Variants in MOB3B observed in about 807,000 individuals in gnomAD.
The protein encoded by MOB3B is MOB kinase activator-like 2B.
In MOB3B, 7 loss-of-function variants were observed where a neutral mutation model predicts 18.7. The observed-to-expected ratio is 0.37, with a 90% CI of 0.21 to 0.70. The LOEUF is 0.70. Among genes scored for constraint, MOB3B ranks in the 30% least tolerant of loss-of-function variants. The probability of loss-of-function intolerance (pLI) is 0.52; values close to 1 mark genes in which losing one functional copy is unlikely to be tolerated. For synonymous variants in MOB3B, 111 were observed against 99.9 expected, an observed-to-expected ratio of 1.11 and a Z score of -0.66; for missense variants, 253 against 281.3, an observed-to-expected ratio of 0.90 and a Z score of 0.72.
intron 2 of MOB3B, among the ~76,000 whole-genome samples, chr9:27,449,879 G>A (rs1822755712): frequency 6.6e-6 from 1 of 151,704 alleles, no homozygotes; most frequent in African/African-American, 2.4e-5. Context: ...TCAGGGGACT[G>A]AGACAGGAGA....
In MOB3B at chr9:27,447,003, T is replaced by C. The variant is rs968112578; in HGVS notation, c.418+8130A>G. 1.3e-4 allele frequency among the ~76,000 whole-genome samples: 10 copies of C among 74,922 alleles called. 1 individual carries two copies. The South Asian group carries it at 1.9e-3, about 14-fold the overall frequency. 49.2% of individuals were successfully genotyped at this position (74,922 alleles called of 152,430 possible). A position where few individuals can be genotyped will look rare whatever the true frequency, so the allele number is the denominator to read the frequency against. ...TATTCACTAGAATAGGAAATTAGCATGAATTTTTTTTTTAAGATATAACAC... is the reference window on the plus strand; with the variant it reads ...TATTCACTAGAATAGGAAATTAGCACGAATTTTTTTTTTAAGATATAACAC... On this transcript the variant is annotated intron_variant, in intron 2 of 3. Coordinates refer to ENST00000262244, the MANE Select transcript of MOB3B (RefSeq NM_024761.5).
chr9:27,442,818 G>A (rs1822615884), intron 2 of MOB3B, among the ~76,000 whole-genome samples: 1 of 152,178 alleles, frequency 6.6e-6, no homozygotes, highest in African/African-American at 2.4e-5. Flanking sequence ...TGCACCATCT[G>A]GCATGGGGCC....
chr9:27,406,834 T>A (rs2131397751), intron 2 of MOB3B, among the ~76,000 whole-genome samples: 1 of 152,118 alleles, frequency 6.6e-6, no homozygotes, highest in Middle Eastern at 3.4e-3. Context: ...CTGGCCAAGA[T>A]TTCTTTTTTT....
intron 1 of MOB3B, among the ~76,000 whole-genome samples, chr9:27,522,250 A>AAAAT (rs1820346068): frequency 7.1e-6 from 1 of 141,230 alleles, no homozygotes; most frequent in African/African-American, 2.7e-5. Context: ...CACAAAAAAA[A>AAAAT]AAAAAAAAAA....
At chr9:27,510,119 C>T (rs1820121641) in intron 1 of MOB3B, among the ~76,000 whole-genome samples, 1 of 152,140 alleles carries the variant, frequency 6.6e-6, no homozygotes, top group Non-Finnish European at 1.5e-5. Context: ...TCCAGTTGTT[C>T]CAACTTTCAG....
At chr9:27,487,974 T>C (rs1390044797) in intron 1 of MOB3B, among the ~76,000 whole-genome samples, 2 of 152,184 alleles carry the variant, frequency 1.3e-5, no homozygotes, top group Non-Finnish European at 2.9e-5. Flanking sequence ...ATTGGGACAA[T>C]GTGTCCCTGA....
At chr9:27,429,018 T>TTTGTA (rs1822380107) in intron 2 of MOB3B, among the ~76,000 whole-genome samples, 1 of 152,242 alleles carries the variant, frequency 6.6e-6, no homozygotes, top group Non-Finnish European at 1.5e-5. Flanking sequence ...ATTTTGGTTC[T>TTTGTA]TGACTCATAC....
intron 1 of MOB3B, among the ~76,000 whole-genome samples, chr9:27,485,515 T>A (rs1819718679): frequency 6.6e-6 from 1 of 152,234 alleles, no homozygotes; most frequent in Non-Finnish European, 1.5e-5. Flanking sequence ...ATCTCACTGA[T>A]TCTGTCTCTG....
rs574812291 is a variant in MOB3B, at chr9:27,345,528, G to A, written c.621+13506C>T. On this transcript the variant is annotated intron_variant, in intron 3 of 3. Coordinates refer to ENST00000262244, the MANE Select transcript of MOB3B (RefSeq NM_024761.5). ...TTGGAAGCACTGGGCCTCTATGCCC[G>A]CCCTGAAACTATTAGTTGAGTTGCA... Among the ~76,000 whole-genome samples, 19 of 152,218 alleles carry A rather than the reference G, an allele frequency of 1.2e-4. No homozygotes were observed. In the East Asian group the frequency reaches 2.5e-3, roughly 20 times the overall value.
In MOB3B at chr9:27,510,009, G is replaced by A. The variant is rs113834482; in HGVS notation, c.-199+19546C>T. On this transcript the variant is annotated intron_variant, in intron 1 of 3. Transcript: ENST00000262244. ...TAAAGTGCTGGGATTATAGGCATGAGCCACTGCACCCAGCCTCCAACAAAT... is the reference window on the plus strand; with the variant it reads ...TAAAGTGCTGGGATTATAGGCATGAACCACTGCACCCAGCCTCCAACAAAT... Among the ~76,000 whole-genome samples, 467 of 152,350 alleles carry A rather than the reference G, an allele frequency of 3.1e-3. 4 individuals carry two copies. The highest frequency in any genetic ancestry group is 0.011 in the African/African-American group (454 of 41,594).
At position 27,490,134 on chromosome 9, in the gene MOB3B, T is replaced by C. The variant is rs549283359; in HGVS notation, c.-198-34386A>G. Reference sequence around the variant, plus strand: ...CTTGTTCGAGCTCTCTGTAAAAACATAGAATTCCATAGCATTACTTTAACA... The same window carrying C: ...CTTGTTCGAGCTCTCTGTAAAAACACAGAATTCCATAGCATTACTTTAACA... On this transcript the variant is annotated intron_variant, in intron 1 of 3. Coordinates refer to ENST00000262244, the MANE Select transcript of MOB3B (RefSeq NM_024761.5). Among the ~76,000 whole-genome samples the C allele has an allele frequency of 6.6e-5, 10 of 152,278 alleles. No individual in the cohort carries two copies. The South Asian group carries it at 1.9e-3, about 28-fold the overall frequency.
intron 2 of MOB3B, among the ~76,000 whole-genome samples, chr9:27,410,550 T>C (rs1822051480): frequency 6.6e-6 from 1 of 152,122 alleles, no homozygotes; most frequent in South Asian, 2.1e-4. Context: ...GTGATGAATG[T>C]ATATTTTGCA....
At chr9:27,439,892 T>C (rs998195623) in intron 2 of MOB3B, among the ~76,000 whole-genome samples, 4 of 151,886 alleles carry the variant, frequency 2.6e-5, no homozygotes, top group African/African-American at 4.8e-5. Flanking sequence ...GTTCCCTCAT[T>C]GGGAAAACAG....
chr9:27,352,972 C>G (rs182352022), intron 3 of MOB3B, among the ~76,000 whole-genome samples: 2 of 152,324 alleles, frequency 1.3e-5, no homozygotes, highest in African/African-American at 4.8e-5. Flanking sequence ...AGAAGGAAGT[C>G]TGTTTTCACT....
chr9:27,500,260 G>A, intron 1 of MOB3B, among the ~76,000 whole-genome samples: 1 of 152,126 alleles, frequency 6.6e-6, no homozygotes, highest in East Asian at 1.9e-4. Context: ...GATATATAAA[G>A]TGTCTTGTGA....
intron 2 of MOB3B, among the ~76,000 whole-genome samples, chr9:27,380,262 A>AT (rs551179750): frequency 0.025 from 3,435 of 135,408 alleles, 67 homozygotes; most frequent in Non-Finnish European, 0.035. Flanking sequence ...AAGAGATAGG[A>AT]TTTTTTTTTT....
rs1984008 is a variant in MOB3B at position 27,329,794 on chromosome 9, T to G, written c.*793A>C. 1.3e-5 allele frequency: 2 copies of G among 152,500 alleles called. No homozygotes were observed. The highest frequency in any genetic ancestry group is 4.8e-5 in the African/African-American group (2 of 41,406). 9.4% of individuals were successfully genotyped at this position (152,500 alleles called of 1,614,324 possible). Reference sequence around the variant, plus strand: ...GGAAACAGGAAAGAATATCTTCCACTGAAGAGACAAGGAATGATGGTGGTT... The same window carrying G: ...GGAAACAGGAAAGAATATCTTCCACGGAAGAGACAAGGAATGATGGTGGTT... On this transcript the variant is annotated 3_prime_UTR_variant, in exon 4 of 4. Transcript: ENST00000262244.
intron 1 of MOB3B, among the ~76,000 whole-genome samples, chr9:27,522,268 A>T (rs539323219): frequency 0.02 from 2,646 of 130,818 alleles, 36 homozygotes; most frequent in African/African-American, 0.036. Context: ...AAAAAAAAAG[A>T]AAAGAAAGAA....
intron 2 of MOB3B, among the ~76,000 whole-genome samples, chr9:27,373,984 C>G (rs1821456837): frequency 6.6e-6 from 1 of 152,232 alleles, no homozygotes; most frequent in Non-Finnish European, 1.5e-5. Flanking sequence ...GTAGCTGAAC[C>G]ACAGACAGAC....
Sources: gnomAD v4.1 joint callset for allele counts (sites outside exome capture counted in the v4.1 genomes callset) on GRCh38, gnomAD v4.1.1 for gene constraint, MANE v1.5 for transcripts, NCBI Gene and HGNC (gene_info 2026-07-23, HGNC 2026-07-21) for gene names.